CPXM2: variants seen among roughly 807,000 people sequenced by gnomAD.
CPXM2 encodes the protein inactive carboxypeptidase-like protein X2.
CPXM2 carries 66 observed loss-of-function variants against 86.1 expected under a neutral mutation model. The observed-to-expected ratio is 0.77, with a 90% confidence interval of 0.63 to 0.94. CPXM2 has a LOEUF of 0.94. Among genes scored for constraint, CPXM2 ranks in the 40% least tolerant of loss-of-function variants. The pLI is 0.00. For synonymous variants in CPXM2, 388 were observed against 400.2 expected (o/e 0.97, Z 0.36); for missense variants, 948 against 1,026.3 (o/e 0.92, Z 1.04).
At chr10:123,811,131 A>C (rs57989624) in intron 4 of CPXM2, among the ~76,000 whole-genome samples, 9,662 of 102,846 alleles carry the variant, frequency 0.094, 1,002 homozygotes, top group African/African-American at 0.33. Flanking sequence ...TCACAAAATC[A>C]TTTTTTTTTT....
intron 2 of CPXM2, among the ~76,000 whole-genome samples, chr10:123,868,336 G>A (rs1944832105): frequency 6.6e-6 from 1 of 152,152 alleles, no homozygotes; most frequent in South Asian, 2.1e-4. Context: ...GTAACCCCTA[G>A]GCAGCTTCTC....
chr10:123,941,929 T>C (rs773894380), upstream of CPXM2, among the ~76,000 whole-genome samples: 13 of 152,196 alleles, frequency 8.5e-5, no homozygotes, highest in Non-Finnish European at 1.6e-4. Context: ...TGTGCTTAGA[T>C]CCCTATGGGC....
chr10:123,844,224 G>A (rs748389393), intron 3 of CPXM2, among the ~76,000 whole-genome samples: 7 of 151,922 alleles, frequency 4.6e-5, no homozygotes, highest in South Asian at 2.1e-4. Context: ...GAGAAACCAC[G>A]AGAAGAATGC....
chr10:123,912,448 G>T (rs1945498652), intron 2 of CPXM2, among the ~76,000 whole-genome samples: 1 of 152,198 alleles, frequency 6.6e-6, no homozygotes, highest in African/African-American at 2.4e-5. Flanking sequence ...AGCAGAGGCT[G>T]CCCTCTGGGA....
chr10:123,872,848 G>A (rs1404637252), intron 2 of CPXM2, among the ~76,000 whole-genome samples: 1 of 151,978 alleles, frequency 6.6e-6, no homozygotes, highest in African/African-American at 2.4e-5. Flanking sequence ...TGATATGCTA[G>A]CTAGGAAAAT....
At chr10:123,838,294 C>T (rs976233886) in intron 4 of CPXM2, among the ~76,000 whole-genome samples, 2 of 151,994 alleles carry the variant, frequency 1.3e-5, no homozygotes, top group Admixed American at 6.6e-5. Flanking sequence ...AACCCTGTGT[C>T]GACTAAAAAT....
chr10:123,787,045 A>C (rs1847075826), intron 6 of CPXM2, among the ~76,000 whole-genome samples: 1 of 152,138 alleles, frequency 6.6e-6, no homozygotes, highest in South Asian at 2.1e-4. Flanking sequence ...CAGCTGGCCC[A>C]AAAACCGTGG....
chr10:123,879,689 A>G (rs1945049466), intron 2 of CPXM2, among the ~76,000 whole-genome samples: 1 of 152,224 alleles, frequency 6.6e-6, no homozygotes, highest in South Asian at 2.1e-4. Flanking sequence ...CTCATGGGCC[A>G]GAGATTGTTC....
chr10:123,810,013 C>T (rs1847658131), intron 4 of CPXM2, among the ~76,000 whole-genome samples: 1 of 151,824 alleles, frequency 6.6e-6, no homozygotes, highest in Non-Finnish European at 1.5e-5. Context: ...TCATAGGAAA[C>T]AGACCCAAAA....
At chr10:123,769,252 C>G (rs903816154) in intron 8 of CPXM2, among the ~76,000 whole-genome samples, 1 of 152,008 alleles carries the variant, frequency 6.6e-6, no homozygotes, top group African/African-American at 2.4e-5. Flanking sequence ...ATGTGTCCCC[C>G]CAAAATTCAT....
intron 13 of CPXM2, among the ~76,000 whole-genome samples, chr10:123,748,093 G>C (rs1050362858): frequency 2.6e-5 from 4 of 152,024 alleles, no homozygotes; most frequent in Non-Finnish European, 5.9e-5. Flanking sequence ...GACGAGGCTG[G>C]CACTGGCTCA....
intron 2 of CPXM2, among the ~76,000 whole-genome samples, chr10:123,862,955 C>T (rs1010163005): frequency 6.6e-6 from 1 of 152,196 alleles, no homozygotes; most frequent in Admixed American, 6.5e-5. Flanking sequence ...CTTTTGCTGT[C>T]CATGCTACTG....
intron 2 of CPXM2, among the ~76,000 whole-genome samples, chr10:123,907,478 C>T (rs925590239): frequency 5.9e-5 from 9 of 152,188 alleles, no homozygotes; most frequent in African/African-American, 2.2e-4. Context: ...CACCCTCCCG[C>T]AGCACAGGGA....
At chr10:123,801,896 A>C (rs1271178781) in intron 4 of CPXM2, among the ~76,000 whole-genome samples, 5 of 152,104 alleles carry the variant, frequency 3.3e-5, no homozygotes, top group Non-Finnish European at 7.4e-5. Flanking sequence ...CCAAGTAAAA[A>C]AGCTAGTCTT....
At chr10:123,867,176 C>T (rs1944805525) in intron 2 of CPXM2, among the ~76,000 whole-genome samples, 2 of 152,204 alleles carry the variant, frequency 1.3e-5, no homozygotes, top group African/African-American at 4.8e-5. Context: ...AGCCCACTAT[C>T]CCACATCCCT....
At position 123,923,357 on chromosome 10, in the gene CPXM2, G is replaced by A. The variant is rs553188282; in HGVS notation, n.174+16120C>T. On this transcript the variant is annotated intron_variant and non_coding_transcript_variant, in intron 2 of 19. Coordinates refer to the CPXM2 transcript ENST00000368854. ...GCACTTTGGGAGGCCGAGGCGGGCG[G>A]ATCACGAGGTCAGGAGATCGAGACC... 2.6e-5 allele frequency among the ~76,000 whole-genome samples: 4 copies of A among 151,896 alleles called. No individual in the cohort carries two copies. The East Asian group carries it at 7.8e-4, about 30-fold the overall frequency.
intron 2 of CPXM2, among the ~76,000 whole-genome samples, chr10:123,879,994 CTG>C (rs1945054178): frequency 6.6e-6 from 1 of 152,220 alleles, no homozygotes; most frequent in African/African-American, 2.4e-5. Flanking sequence ...GAAAATCTGG[CTG>C]TGAGTAGTGA....
intron 2 of CPXM2, among the ~76,000 whole-genome samples, chr10:123,930,944 C>T (rs373836380): frequency 2.2e-4 from 33 of 152,276 alleles, no homozygotes; most frequent in Non-Finnish European, 3.5e-4. Flanking sequence ...GAGGGCAGGC[C>T]GGGGAAACTT....
At position 123,762,103 on chromosome 10, in the gene CPXM2, G is replaced by T. The variant is rs1284317153; in HGVS notation, c.1546C>A (p.Leu516Met). ...GCCACCACCAGCTCGCCGCCCTGCA[G>T]GTTGCCGCCCAGCACAAAAGGGATT... ...EKIPFVLGGN[L>M]QGGELVVAYP... Residue 516 changes from leucine to methionine, a missense_variant, in exon 11 of 14, where the codon CTG becomes ATG. Coordinates refer to ENST00000241305, the MANE Select transcript of CPXM2 (RefSeq NM_198148.3). The T allele has an allele frequency of 1.2e-6, 2 of 1,614,040 alleles. No homozygotes were observed. Among genetic ancestry groups the T allele is most frequent in the Non-Finnish European group, 8.5e-7 (1 of 1,180,036 alleles).
Sources: allele counts gnomAD v4.1 joint callset (sites outside exome capture counted in the v4.1 genomes callset), GRCh38; gene constraint gnomAD v4.1.1; transcripts MANE v1.5; gene names NCBI Gene and HGNC (gene_info 2026-07-23, HGNC 2026-07-21).